HS6ST3: variants seen among roughly 807,000 people sequenced by gnomAD.
The protein encoded by HS6ST3 is heparan-sulfate 6-O-sulfotransferase 3.
HS6ST3 carries 12 observed loss-of-function variants against 36.7 expected under a neutral mutation model. The observed-to-expected ratio is 0.33, with a 90% CI of 0.21 to 0.53. The LOEUF is 0.53. HS6ST3 is among the 20% of genes least tolerant of loss of function. The pLI, the probability that HS6ST3 is intolerant of heterozygous loss-of-function variation, is 0.95. For synonymous variants in HS6ST3, 240 were observed against 257.5 expected (o/e 0.93, Z 0.65); for missense variants, 584 against 640.9 (o/e 0.91, Z 0.96).
chr13:96,150,087 G>A (rs920145072), intron 1 of HS6ST3, among the ~76,000 whole-genome samples: 14 of 152,132 alleles, frequency 9.2e-5, no homozygotes, highest in Non-Finnish European at 1.8e-4. Flanking sequence ...CCAGGTTCTT[G>A]TCCCACAACA....
At chr13:96,788,861 A>G (rs1045886474) in intron 1 of HS6ST3, among the ~76,000 whole-genome samples, 2 of 151,886 alleles carry the variant, frequency 1.3e-5, no homozygotes, top group East Asian at 1.9e-4. Context: ...TCTTTTGATT[A>G]GTGTTTGCAT....
At chr13:96,209,294 A>G (rs996136232) in intron 1 of HS6ST3, among the ~76,000 whole-genome samples, 1 of 152,206 alleles carries the variant, frequency 6.6e-6, no homozygotes, top group Non-Finnish European at 1.5e-5. Flanking sequence ...CTCAACTCCT[A>G]CACCAGTGCT....
intron 1 of HS6ST3, among the ~76,000 whole-genome samples, chr13:96,142,669 A>G (rs1294915362): frequency 2.2e-4 from 34 of 152,210 alleles, no homozygotes; most frequent in Admixed American, 2.2e-3. Context: ...ACACGGGAAC[A>G]TCTCTTACCA....
intron 1 of HS6ST3, among the ~76,000 whole-genome samples, chr13:96,535,853 C>A (rs577220738): frequency 6.6e-6 from 1 of 152,156 alleles, no homozygotes; most frequent in Non-Finnish European, 1.5e-5. Context: ...AGCAAAGTCC[C>A]TTTCCTAATG....
chr13:96,800,378 C>T (rs1327813472), intron 1 of HS6ST3, among the ~76,000 whole-genome samples: 5 of 151,618 alleles, frequency 3.3e-5, no homozygotes, highest in Admixed American at 1.3e-4. Context: ...AAATTCATGA[C>T]TATCCTGTCC....
intron 1 of HS6ST3, among the ~76,000 whole-genome samples, chr13:96,456,854 C>G (rs910026999): frequency 6.6e-6 from 1 of 151,960 alleles, no homozygotes. Context: ...TTTTCTTTCT[C>G]CGATTAAGTA....
intron 1 of HS6ST3, among the ~76,000 whole-genome samples, chr13:96,165,724 C>A (rs892609501): frequency 3.9e-5 from 6 of 152,138 alleles, no homozygotes; most frequent in Non-Finnish European, 8.8e-5. Context: ...AGAGCTTGCA[C>A]CTGGCCTGGA....
intron 1 of HS6ST3, among the ~76,000 whole-genome samples, chr13:96,805,120 T>C (rs1038604603): frequency 6.6e-6 from 1 of 152,188 alleles, no homozygotes; most frequent in Non-Finnish European, 1.5e-5. Context: ...TTTGGAGCTT[T>C]CCACTGATAG....
At chr13:96,317,724 GT>G (rs397938253) in intron 1 of HS6ST3, among the ~76,000 whole-genome samples, 34 of 144,240 alleles carry the variant, frequency 2.4e-4, no homozygotes, top group South Asian at 2.2e-4. Flanking sequence ...GCCAGCATCT[GT>G]TTTTTTTTTT....
intron 1 of HS6ST3, among the ~76,000 whole-genome samples, chr13:96,791,351 T>C (rs150350637): frequency 3.7e-4 from 56 of 152,124 alleles, no homozygotes; most frequent in Non-Finnish European, 5.3e-4. Flanking sequence ...ACCTATTAGG[T>C]ATAGGGTGAG....
chr13:96,781,063 A>T (rs1877513579), intron 1 of HS6ST3, among the ~76,000 whole-genome samples: 1 of 152,156 alleles, frequency 6.6e-6, no homozygotes, highest in South Asian at 2.1e-4. Context: ...ATCCAGAGGC[A>T]GATAGCTGTG....
At chr13:96,491,199 T>G (rs1411307418) in intron 1 of HS6ST3, among the ~76,000 whole-genome samples, 1 of 152,100 alleles carries the variant, frequency 6.6e-6, no homozygotes, top group Non-Finnish European at 1.5e-5. Flanking sequence ...CTCATTATTT[T>G]TTGCTAACCA....
At chr13:96,441,698 A>G (rs969012321) in intron 1 of HS6ST3, among the ~76,000 whole-genome samples, 3 of 152,232 alleles carry the variant, frequency 2.0e-5, no homozygotes, top group South Asian at 2.1e-4. Flanking sequence ...GTAAAAGTGA[A>G]TAATCAGGGA....
At chr13:96,266,855 A>C (rs2054694802) in intron 1 of HS6ST3, among the ~76,000 whole-genome samples, 1 of 152,182 alleles carries the variant, frequency 6.6e-6, no homozygotes, top group Admixed American at 6.5e-5. Context: ...AAATAAATAT[A>C]GTACCTGCCT....
intron 1 of HS6ST3, among the ~76,000 whole-genome samples, chr13:96,783,364 G>T (rs1173504459): frequency 3.9e-5 from 6 of 152,080 alleles, no homozygotes; most frequent in African/African-American, 1.4e-4. Context: ...GAGGCTGGCT[G>T]AATTTTTTTT....
intron 1 of HS6ST3, among the ~76,000 whole-genome samples, chr13:96,624,295 A>G (rs1351560241): frequency 2.0e-5 from 3 of 152,188 alleles, no homozygotes; most frequent in Non-Finnish European, 4.4e-5. Context: ...TTCAAAGGTA[A>G]CACTTCTGAT....
intron 1 of HS6ST3, among the ~76,000 whole-genome samples, chr13:96,772,825 C>CT: frequency 6.6e-6 from 1 of 152,178 alleles, no homozygotes; most frequent in African/African-American, 2.4e-5. Context: ...TTTTGATTTT[C>CT]TTTTTTGGGA....
chr13:96,407,893 G>C (rs1328676275), intron 1 of HS6ST3, among the ~76,000 whole-genome samples: 1 of 152,116 alleles, frequency 6.6e-6, no homozygotes, highest in Non-Finnish European at 1.5e-5. Context: ...GGGAAGATTT[G>C]GTTACAACTC....
chr13:96,382,285 TTGAC>T (rs1221770498), intron 1 of HS6ST3, among the ~76,000 whole-genome samples: 2 of 152,032 alleles, frequency 1.3e-5, no homozygotes, highest in Non-Finnish European at 2.9e-5. Context: ...ACCATACTCT[TTGAC>T]TGAGAAATTT....
Sources: gnomAD v4.1 joint callset for allele counts (sites outside exome capture counted in the v4.1 genomes callset) on GRCh38, gnomAD v4.1.1 for gene constraint, MANE v1.5 for transcripts, NCBI Gene and HGNC (gene_info 2026-07-23, HGNC 2026-07-21) for gene names.